Variants in KLHL32 observed in about 807,000 individuals in gnomAD.
KLHL32 encodes the protein kelch like family member 32.
A neutral mutation model predicts 64.8 loss-of-function variants in KLHL32; 35 were observed. The ratio of observed to expected loss-of-function variants is 0.54; its 90% CI spans 0.41 to 0.72. KLHL32 has a LOEUF of 0.72. Among genes scored for constraint, KLHL32 ranks in the 30% least tolerant of loss-of-function variants. The pLI, the probability that KLHL32 is intolerant of heterozygous loss-of-function variation, is 0.00. For synonymous variants in KLHL32, 259 were observed against 281.0 expected (o/e 0.92, Z 0.78); for missense variants, 589 against 768.5 (o/e 0.77, Z 2.76).
chr6:97,088,212 T>A (rs913435632), intron 6 of KLHL32, among the ~76,000 whole-genome samples: 13 of 152,232 alleles, frequency 8.5e-5, no homozygotes, highest in African/African-American at 2.7e-4. Context: ...ATTGTTTTTT[T>A]AAAATTTAGT....
chr6:97,133,655 T>C (rs1052279349), intron 10 of KLHL32, among the ~76,000 whole-genome samples: 1 of 152,244 alleles, frequency 6.6e-6, no homozygotes, highest in African/African-American at 2.4e-5. Flanking sequence ...TGTTGTGTTA[T>C]CCTTAGTTAT....
chr6:97,008,614 G>A (rs922742788), intron 3 of KLHL32, among the ~76,000 whole-genome samples: 1 of 152,102 alleles, frequency 6.6e-6, no homozygotes, highest in Non-Finnish European at 1.5e-5. Flanking sequence ...TGTTTGTGGA[G>A]GTCATGGGGT....
intron 6 of KLHL32, among the ~76,000 whole-genome samples, chr6:97,108,182 C>T (rs963313150): frequency 6.6e-5 from 10 of 152,158 alleles, no homozygotes; most frequent in African/African-American, 2.2e-4. Context: ...CTCTTGCTGG[C>T]TTGGCCACCA....
rs202227633 is a variant in KLHL32, at chr6:97,073,347, G to A, written c.411+8621G>A. On this transcript the variant is annotated intron_variant, in intron 5 of 10. Coordinates refer to ENST00000369261, the MANE Select transcript of KLHL32 (RefSeq NM_052904.4). ...TTTTAGAAGCCACAAATAATTAAAT[G>A]AACCGTCACTTTCTTTCTGCCTCTG... 1.1e-4 allele frequency among the ~76,000 whole-genome samples: 16 copies of A among 152,258 alleles called. No homozygotes were observed. The East Asian group carries it at 3.1e-3, about 29-fold the overall frequency.
intron 3 of KLHL32, among the ~76,000 whole-genome samples, chr6:97,021,313 A>C (rs1375546639): frequency 6.6e-6 from 1 of 150,870 alleles, no homozygotes; most frequent in African/African-American, 2.5e-5. Flanking sequence ...TTTTTCAACA[A>C]TGGTGTAGTT....
chr6:97,108,125 A>C (rs556590968), intron 6 of KLHL32, among the ~76,000 whole-genome samples: 1 of 152,150 alleles, frequency 6.6e-6, no homozygotes, highest in East Asian at 1.9e-4. Context: ...TTTCCTAAGC[A>C]CTCTTTCGTA....
chr6:97,111,032 G>A (rs549690687), intron 6 of KLHL32, among the ~76,000 whole-genome samples: 3 of 145,614 alleles, frequency 2.1e-5, no homozygotes, highest in Non-Finnish European at 3.1e-5. Flanking sequence ...AAAAGTCTTG[G>A]GGGGGGGGGG....
At chr6:97,028,117 C>T (rs1426048133) in intron 3 of KLHL32, among the ~76,000 whole-genome samples, 1 of 152,016 alleles carries the variant, frequency 6.6e-6, no homozygotes, top group East Asian at 1.9e-4. Flanking sequence ...GACTGACTAC[C>T]CCAGCTGTGC....
At chr6:96,948,936 T>C (rs1014528394) in intron 1 of KLHL32, among the ~76,000 whole-genome samples, 3 of 152,214 alleles carry the variant, frequency 2.0e-5, no homozygotes, top group African/African-American at 7.2e-5. Context: ...CAAAACATAA[T>C]GTAGAAAACT....
At chr6:97,095,612 A>G (rs141373648) in intron 6 of KLHL32, among the ~76,000 whole-genome samples, 150 of 152,332 alleles carry the variant, frequency 9.8e-4, no homozygotes, top group African/African-American at 3.4e-3. Flanking sequence ...TATACACAAA[A>G]TGCCTTCTAG....
At position 97,127,288 on chromosome 6, in the gene KLHL32, G is replaced by T. The variant is rs1582255593; in HGVS notation, c.1355-116G>T. ...ATTATGTCATGGGCTCACCATGAGG[G>T]TATACAAACAGATCCTCAGCAGTAG... On this transcript the variant is annotated intron_variant, in intron 7 of 10. Transcript: ENST00000369261. 11 of 802,336 alleles carry T rather than the reference G, an allele frequency of 1.4e-5. No homozygotes were observed. In the East Asian group the frequency reaches 2.7e-4, roughly 20 times the overall value. 49.7% of individuals were successfully genotyped at this position (802,336 alleles called of 1,614,324 possible). A position where few individuals can be genotyped will look rare whatever the true frequency, so the allele number is the denominator to read the frequency against.
At chr6:97,087,488 C>T (rs1303148402) in intron 6 of KLHL32, among the ~76,000 whole-genome samples, 3 of 152,144 alleles carry the variant, frequency 2.0e-5, no homozygotes, top group Non-Finnish European at 2.9e-5. Context: ...TTGTTCATTA[C>T]GGAACGTTCT....
intron 1 of KLHL32, among the ~76,000 whole-genome samples, chr6:96,961,191 A>T (rs990563003): frequency 3.3e-5 from 5 of 152,192 alleles, no homozygotes; most frequent in Admixed American, 1.3e-4. Flanking sequence ...TCAGGTTGGA[A>T]AGTCAGCCAC....
At chr6:97,072,077 G>T (rs755309323) in intron 5 of KLHL32, among the ~76,000 whole-genome samples, 1 of 152,126 alleles carries the variant, frequency 6.6e-6, no homozygotes, top group Non-Finnish European at 1.5e-5. Flanking sequence ...TTCGGCTTGG[G>T]TATTTCTCAG....
chr6:96,972,516 T>C lies in KLHL32; in HGVS notation c.24-3481T>C, dbSNP rs111966511. On this transcript the variant is annotated intron_variant, in intron 2 of 10. Transcript: ENST00000369261. Reference sequence around the variant, plus strand: ...GCATCCCTCAGAGAAAGAGGTTGCATTGGGGAAGCCAGGACACTGTCTGCA... The same window carrying C: ...GCATCCCTCAGAGAAAGAGGTTGCACTGGGGAAGCCAGGACACTGTCTGCA... Among the ~76,000 whole-genome samples the C allele has an allele frequency of 1.3e-3, 199 of 152,272 alleles. 1 individual carries two copies. The highest frequency in any genetic ancestry group is 4.5e-3 in the African/African-American group (187 of 41,552).
At chr6:96,960,404 T>A (rs1773757412) in intron 1 of KLHL32, among the ~76,000 whole-genome samples, 1 of 152,222 alleles carries the variant, frequency 6.6e-6, no homozygotes, top group African/African-American at 2.4e-5. Flanking sequence ...AGATCGTATG[T>A]AAGGCCAAGT....
Position 96,927,104 on chromosome 6 carries a change from A to G in KLHL32, c.-66+2078A>G, listed in dbSNP as rs535645734. ...TTGAGGTTTTCTAGATCTCTGTCTT[A>G]TATCTCAGAAAATAAAAGACCATGA... On this transcript the variant is annotated intron_variant, in intron 1 of 10. Coordinates refer to ENST00000369261, the MANE Select transcript of KLHL32 (RefSeq NM_052904.4). Among the ~76,000 whole-genome samples the G allele has an allele frequency of 1.2e-4, 18 of 152,368 alleles. No individual in the cohort carries two copies. The South Asian group carries it at 2.1e-3, about 18-fold the overall frequency.
chr6:96,963,481 C>T (rs1020768163), intron 1 of KLHL32, among the ~76,000 whole-genome samples: 3 of 152,072 alleles, frequency 2.0e-5, no homozygotes, highest in Non-Finnish European at 4.4e-5. Flanking sequence ...AAAAGGAAAA[C>T]GGTACCCTGT....
intron 3 of KLHL32, among the ~76,000 whole-genome samples, chr6:97,012,476 C>T (rs1780535657): frequency 6.6e-6 from 1 of 152,140 alleles, no homozygotes; most frequent in Non-Finnish European, 1.5e-5. Context: ...GGAATACAGC[C>T]CTGCTGACAC....
Sources: allele counts gnomAD v4.1 joint callset (sites outside exome capture counted in the v4.1 genomes callset), GRCh38; gene constraint gnomAD v4.1.1; transcripts MANE v1.5; gene names NCBI Gene and HGNC (gene_info 2026-07-23, HGNC 2026-07-21).